ZNF235: variants seen among roughly 807,000 people sequenced by gnomAD.
ZNF235 encodes the protein zinc finger protein 235.
ZNF235 carries 25 observed loss-of-function variants against 29.4 expected under a neutral mutation model. The observed-to-expected ratio is 0.85, with a 90% CI of 0.62 to 1.19. The LOEUF (loss-of-function observed/expected upper bound fraction) is 1.19, where lower values mean the gene tolerates loss of function less well. Among genes scored for constraint, ZNF235 ranks in the 50% most tolerant of loss-of-function variants. The pLI is 0.00. For synonymous variants in ZNF235, 300 were observed against 295.3 expected, an observed-to-expected ratio of 1.02 and a Z score of -0.16; for missense variants, 788 against 885.0, an observed-to-expected ratio of 0.89 and a Z score of 1.39.
chr19:44,292,917 T>C (rs1178543948), intron 4 of ZNF235, among the ~76,000 whole-genome samples: 3 of 152,032 alleles, frequency 2.0e-5, no homozygotes, highest in South Asian at 4.2e-4. Flanking sequence ...CCAGAAGAGA[T>C]TGGATTCTAT....
Position 44,299,749 on chromosome 19 carries a change from A to T in ZNF235, c.16-17T>A. On this transcript the variant is annotated splice_polypyrimidine_tract_variant and intron_variant, in intron 2 of 4. Transcript: ENST00000291182. ...CACTGCCTCCTAGAACATCAAGCAC[A>T]TGTAACCTCAATCTCACACCCAATG... is the stretch of plus-strand genomic sequence containing the variant. 2 of 1,613,782 alleles carry T rather than the reference A, an allele frequency of 1.2e-6. No individual in the cohort carries two copies. Among genetic ancestry groups the T allele is most frequent in the Non-Finnish European group, 1.7e-6 (2 of 1,179,824 alleles).
intron 4 of ZNF235, among the ~76,000 whole-genome samples, chr19:44,296,115 T>G (rs4802218): frequency 0.45 from 67,812 of 152,002 alleles, 16,762 homozygotes; most frequent in South Asian, 0.67. Flanking sequence ...TAAATACATA[T>G]GAGCCCATAC....
rs768563031 is a variant in ZNF235, at chr19:44,287,801, C to G, written c.1634G>C (p.Cys545Ser). The G allele has an allele frequency of 6.2e-6, 10 of 1,613,988 alleles. No homozygotes were observed. The South Asian group carries it at 1.1e-4, about 18-fold the overall frequency. Reference protein sequence around the residue: ...RVHTGEKPYKCEVCGKRFNWS... With the variant: ...RVHTGEKPYKSEVCGKRFNWS... ...ATTGAAGCGCTTCCCACACACTTCA[C>G]ATTTGTATGGTTTTTCTCCAGTGTG... The change falls in exon 5 of 5, where the codon TGT becomes TCT. Residue 545 changes from cysteine to serine, a missense_variant. Physicochemically the swap from Cys to Ser is moderately radical, Grantham distance 112. Coordinates refer to ENST00000291182, the MANE Select transcript of ZNF235 (RefSeq NM_004234.4).
At chr19:44,292,380 A>G (rs1975596190) in intron 4 of ZNF235, among the ~76,000 whole-genome samples, 1 of 151,850 alleles carries the variant, frequency 6.6e-6, no homozygotes, top group South Asian at 2.1e-4. Flanking sequence ...AGAGATAGGT[A>G]TCTTTTTTTT....
intron 2 of ZNF235, among the ~76,000 whole-genome samples, chr19:44,302,151 T>G (rs1326937408): frequency 6.6e-6 from 1 of 152,104 alleles, no homozygotes; most frequent in Non-Finnish European, 1.5e-5. Flanking sequence ...ATTCTCTCCA[T>G]AAAATGAGGT....
At position 44,304,984 on chromosome 19, in the gene ZNF235, A is replaced by G; in HGVS notation, c.-62T>C. 1.0e-6 allele frequency: 1 copy of G among 978,102 alleles called. No individual in the cohort carries two copies. The highest frequency in any genetic ancestry group is 1.2e-6 in the Non-Finnish European group (1 of 823,234). The allele number at this position is 978,102 out of a possible 1,614,324, so 60.6% of individuals were successfully genotyped here. On this transcript the variant is annotated 5_prime_UTR_variant, in exon 1 of 5. Coordinates refer to ENST00000291182, the MANE Select transcript of ZNF235 (RefSeq NM_004234.4). ...GAGCTGACTCACCTCCCTGGGAGAT[A>G]TCTCAGATCCGACCTCGCCTTCCTG... is the stretch of plus-strand genomic sequence containing the variant.
chr19:44,296,677 C>T (rs1463319939), intron 4 of ZNF235, among the ~76,000 whole-genome samples: 2 of 152,034 alleles, frequency 1.3e-5, no homozygotes, highest in Non-Finnish European at 2.9e-5. Context: ...CAGAACACTC[C>T]ACCCAATAAC....
intron 4 of ZNF235, among the ~76,000 whole-genome samples, chr19:44,291,824 A>G (rs190681652): frequency 1.5e-3 from 227 of 152,254 alleles, no homozygotes; most frequent in African/African-American, 5.1e-3. Context: ...CCAAACATAT[A>G]AGGAAGAAAC....
Position 44,303,391 on chromosome 19 carries a change from T to C in ZNF235, c.14A>G (p.Gln5Arg), listed in dbSNP as rs754574286. 2 of 1,611,474 alleles carry C rather than the reference T, an allele frequency of 1.2e-6. No individual in the cohort carries two copies. The highest frequency in any genetic ancestry group is 8.5e-7 in the Non-Finnish European group (1 of 1,178,480). ...AACACAAAGGCAAACCAAACTTACCTGGAACTTGGTCATTTTTCCCCTCCT... is the reference window on the plus strand; with the variant it reads ...AACACAAAGGCAAACCAAACTTACCCGGAACTTGGTCATTTTTCCCCTCCT... MTKF[Q>R]EAVTFKDVAV... The change falls in exon 2 of 5, where the codon CAG becomes CGG. Residue 5 changes from glutamine (Q) to arginine (R), a missense_variant and splice_region_variant. Transcript: ENST00000291182.
At chr19:44,290,747 C>A in intron 4 of ZNF235, 1 of 162,586 alleles carries the variant, frequency 6.2e-6, no homozygotes, top group South Asian at 1.7e-4. Context: ...CAAAAACCTC[C>A]ACAAAACCTA....
intron 2 of ZNF235, among the ~76,000 whole-genome samples, chr19:44,302,964 ACGT>A (rs1568647565): frequency 1.8e-4 from 23 of 130,808 alleles, no homozygotes; most frequent in African/African-American, 6.4e-4. Context: ...ATAAATATAT[ACGT>A]ATATATGTAT....
At chr19:44,304,092 A>G (rs560755315) in intron 1 of ZNF235, among the ~76,000 whole-genome samples, 1 of 152,308 alleles carries the variant, frequency 6.6e-6, no homozygotes, top group South Asian at 2.1e-4. Flanking sequence ...ATGATAGTTA[A>G]ACTGCCACAG....
At chr19:44,300,515 G>T (rs903415045) in intron 2 of ZNF235, among the ~76,000 whole-genome samples, 1 of 151,900 alleles carries the variant, frequency 6.6e-6, no homozygotes, top group African/African-American at 2.4e-5. Context: ...TTTTTACATA[G>T]ATCTTAGCCA....
chr19:44,299,838 A>T, intron 2 of ZNF235, 106 bp from the exon 3 acceptor site: 1 of 1,571,800 alleles, frequency 6.4e-7, no homozygotes. Flanking sequence ...CAATCACACC[A>T]AAAATGCTAG....
At chr19:44,299,849 G>T in intron 2 of ZNF235, 117 bp from the exon 3 acceptor site, 2 of 1,526,854 alleles carry the variant, frequency 1.3e-6, no homozygotes, top group Non-Finnish European at 1.8e-6. Flanking sequence ...AAAATGCTAG[G>T]GGGAAGAAGG....
In ZNF235 at chr19:44,287,168, G is replaced by A. The variant is rs370862561; in HGVS notation, c.*50C>T. On this transcript the variant is annotated 3_prime_UTR_variant, in exon 5 of 5. Coordinates refer to ENST00000291182, the MANE Select transcript of ZNF235 (RefSeq NM_004234.4). ...CAATCATCAGCATGGACTTCCCAAC[G>A]GAGACAAAGATGTGAGCTCTAACTG... 1.2e-4 allele frequency: 185 copies of A among 1,509,268 alleles called. No individual in the cohort carries two copies. The highest frequency in any genetic ancestry group is 1.4e-4 in the Non-Finnish European group (159 of 1,127,532). The allele number at this position is 1,509,268 out of a possible 1,614,324, so 93.5% of individuals were successfully genotyped here. A position where few individuals can be genotyped will look rare whatever the true frequency, so the allele number is the denominator to read the frequency against.
chr19:44,304,086 T>C (rs191054240), intron 1 of ZNF235, among the ~76,000 whole-genome samples: 80 of 152,338 alleles, frequency 5.3e-4, no homozygotes, highest in African/African-American at 1.6e-3. Flanking sequence ...TTGGTAATGA[T>C]AGTTAAACTG....
At chr19:44,299,122 T>C (rs1162841334) in intron 3 of ZNF235, among the ~76,000 whole-genome samples, 1 of 152,210 alleles carries the variant, frequency 6.6e-6, no homozygotes. Flanking sequence ...GACCTATTTC[T>C]AATCAATATC....
chr19:44,297,753 G>A (rs963410345), intron 4 of ZNF235, among the ~76,000 whole-genome samples: 3 of 151,966 alleles, frequency 2.0e-5, no homozygotes, highest in Non-Finnish European at 4.4e-5. Context: ...ATGAGCCACC[G>A]CGCCCAGCTG....
Sources: gnomAD v4.1 joint callset for allele counts (sites outside exome capture counted in the v4.1 genomes callset) on GRCh38, gnomAD v4.1.1 for gene constraint, MANE v1.5 for transcripts, NCBI Gene and HGNC (gene_info 2026-07-23, HGNC 2026-07-21) for gene names.